GBE1: variants seen among roughly 807,000 people sequenced by gnomAD.
The protein encoded by GBE1 is 1,4-alpha-glucan-branching enzyme.
In GBE1, 70 loss-of-function variants were observed where a neutral mutation model predicts 88.8. The observed-to-expected ratio is 0.79, with a 90% CI of 0.65 to 0.96. The LOEUF is 0.96. Ranked by LOEUF, GBE1 falls within the 40% of genes least tolerant of loss-of-function variation. The pLI, the probability that GBE1 is intolerant of heterozygous loss-of-function variation, is 0.00. For missense variants in GBE1, 872 were observed against 871.0 expected (o/e 1.00, Z -0.01); for synonymous variants, 284 against 300.1 (o/e 0.95, Z 0.56).
chr3:81,519,998 T>C (rs1559631756), intron 14 of GBE1, among the ~76,000 whole-genome samples: 1 of 151,482 alleles, frequency 6.6e-6, no homozygotes, highest in African/African-American at 2.4e-5. Context: ...CACATGTACA[T>C]ACTCCAGGAA....
chr3:81,590,952 T>C, intron 9 of GBE1, 85 bp downstream of exon 9: 1 of 1,181,210 alleles, frequency 8.5e-7, no homozygotes. Context: ...ATTGACAACA[T>C]GAGATTGATT....
intron 11 of GBE1, among the ~76,000 whole-genome samples, chr3:81,579,415 T>C (rs1703690203): frequency 2.0e-5 from 3 of 152,132 alleles, no homozygotes; most frequent in Admixed American, 2.0e-4. Flanking sequence ...ATTTTTAAAG[T>C]ATGAAATAAT....
chr3:81,519,741 T>C (rs1293815582), intron 14 of GBE1, among the ~76,000 whole-genome samples: 1 of 151,434 alleles, frequency 6.6e-6, no homozygotes, highest in Non-Finnish European at 1.5e-5. Context: ...AGTTTTGCTT[T>C]AAAATTATTT....
intron 14 of GBE1, among the ~76,000 whole-genome samples, chr3:81,508,772 G>C (rs184952228): frequency 9.2e-5 from 14 of 152,158 alleles, no homozygotes; most frequent in African/African-American, 3.1e-4. Flanking sequence ...ATAGGAGACA[G>C]CATTCTAAAA....
At chr3:81,565,557 T>C (rs1233778478) in intron 12 of GBE1, among the ~76,000 whole-genome samples, 1 of 152,176 alleles carries the variant, frequency 6.6e-6, no homozygotes, top group African/African-American at 2.4e-5. Context: ...CCTGTGGCTT[T>C]GGGGAGAATG....
chr3:81,668,440 G>C (rs923952950), intron 3 of GBE1, among the ~76,000 whole-genome samples: 7 of 152,144 alleles, frequency 4.6e-5, no homozygotes, highest in Non-Finnish European at 1.0e-4. Context: ...AGAATGTAGG[G>C]TGAGCCAGTA....
chr3:81,694,221 G>A (rs1441735014), intron 2 of GBE1, among the ~76,000 whole-genome samples: 1 of 151,936 alleles, frequency 6.6e-6, no homozygotes, highest in Non-Finnish European at 1.5e-5. Context: ...CGAAGAAACT[G>A]AAAGAGAGAA....
At chr3:81,537,177 T>A in intron 12 of GBE1, 82 bp from the exon 13 acceptor site, 2 of 914,364 alleles carry the variant, frequency 2.2e-6, no homozygotes, top group Non-Finnish European at 1.5e-6. Flanking sequence ...TATATGTTTT[T>A]AATGTTTTTT....
At chr3:81,562,532 G>T (rs985636220) in intron 12 of GBE1, among the ~76,000 whole-genome samples, 1 of 151,986 alleles carries the variant, frequency 6.6e-6, no homozygotes, top group African/African-American at 2.4e-5. Context: ...TTTCCCCTAG[G>T]TGTGAAGAGA....
At position 81,639,781 on chromosome 3, in the gene GBE1, C is replaced by T. The variant is rs146091053; in HGVS notation, c.992+3000G>A. On this transcript the variant is annotated intron_variant, in intron 7 of 15. Coordinates refer to ENST00000429644, the MANE Select transcript of GBE1 (RefSeq NM_000158.4). ...GGGCTAGGAGGAGGGGATTTGGGGT[C>T]CTCAATCTCACAACCAAGGCTGAGC... is the stretch of plus-strand genomic sequence containing the variant. 6.4e-4 allele frequency among the ~76,000 whole-genome samples: 98 copies of T among 152,170 alleles called. 2 individuals carry two copies. The East Asian group carries it at 0.017, about 26-fold the overall frequency.
intron 14 of GBE1, among the ~76,000 whole-genome samples, chr3:81,509,840 A>C (rs1266412497): frequency 6.6e-6 from 1 of 152,002 alleles, no homozygotes; most frequent in African/African-American, 2.4e-5. Flanking sequence ...ATAAAGTTTA[A>C]CTTAGACATT....
chr3:81,652,642 A>T (rs1378319680), intron 3 of GBE1, among the ~76,000 whole-genome samples: 1 of 152,110 alleles, frequency 6.6e-6, no homozygotes, highest in Non-Finnish European at 1.5e-5. Context: ...AGGCCCCTGG[A>T]TTTTGCAAGT....
At chr3:81,613,055 G>A (rs1321945139) in intron 7 of GBE1, 2 of 678,944 alleles carry the variant, frequency 2.9e-6, no homozygotes, top group Non-Finnish European at 4.4e-6. Context: ...AGGAAAGAGA[G>A]GAGGATGAAG....
chr3:81,686,886 ATG>A (rs1705450589), intron 2 of GBE1, among the ~76,000 whole-genome samples: 1 of 152,246 alleles, frequency 6.6e-6, no homozygotes, highest in Non-Finnish European at 1.5e-5. Flanking sequence ...ATGCATATGC[ATG>A]TGTCTATATA....
At chr3:81,564,791 G>A (rs7610703) in intron 12 of GBE1, among the ~76,000 whole-genome samples, 53,341 of 151,916 alleles carry the variant, frequency 0.35, 9,978 homozygotes, top group African/African-American at 0.49. Context: ...CAGTGACTCC[G>A]GCACAGTCCA....
chr3:81,544,513 T>C (rs1703180444), intron 12 of GBE1, among the ~76,000 whole-genome samples: 1 of 152,164 alleles, frequency 6.6e-6, no homozygotes, highest in Non-Finnish European at 1.5e-5. Context: ...TATGATTCAT[T>C]GCATTCAATA....
chr3:81,665,961 A>G (rs1483822494), intron 3 of GBE1, among the ~76,000 whole-genome samples: 1 of 145,982 alleles, frequency 6.9e-6, no homozygotes, highest in Non-Finnish European at 1.5e-5. Flanking sequence ...TAGAATGAGT[A>G]TATTAATACA....
intron 1 of GBE1, 125 bp from the exon 2 acceptor site, chr3:81,705,738 T>C (rs574108526): frequency 2.3e-5 from 13 of 560,546 alleles, no homozygotes; most frequent in South Asian, 1.9e-4. Flanking sequence ...AAGAATAATA[T>C]AAATAATTTC....
chr3:81,756,366 A>G (rs2680245), intron 1 of GBE1, among the ~76,000 whole-genome samples: 96,029 of 152,096 alleles, frequency 0.63, 31,828 homozygotes, highest in East Asian at 0.94. Context: ...TGAATTGACC[A>G]TAGACTCACT....
Sources: allele counts gnomAD v4.1 joint callset (sites outside exome capture counted in the v4.1 genomes callset), GRCh38; gene constraint gnomAD v4.1.1; transcripts MANE v1.5; gene names NCBI Gene and HGNC (gene_info 2026-07-23, HGNC 2026-07-21).